The following WWOX variants were observed in gnomAD, a reference collection of about 807,000 sequenced individuals.
The protein encoded by WWOX is WW domain containing oxidoreductase, also known as WW domain-containing oxidoreductase.
Under a neutral mutation model 46.2 loss-of-function variants are expected in WWOX, and 69 were observed. That is an observed-to-expected ratio of 1.49 (90% CI 1.23 to 1.82). WWOX has a LOEUF of 1.82. WWOX is among the 40% of genes most tolerant of loss of function. The probability of loss-of-function intolerance (pLI) is 0.00; values close to 1 mark genes in which losing one functional copy is unlikely to be tolerated. For missense variants in WWOX, 919 were observed against 542.6 expected, an observed-to-expected ratio of 1.69 and a Z score of -6.89; for synonymous variants, 359 against 202.6, an observed-to-expected ratio of 1.77 and a Z score of -6.56.
chr16:78,520,010 C>A (rs1287586715), intron 8 of WWOX, among the ~76,000 whole-genome samples: 1 of 152,232 alleles, frequency 6.6e-6, no homozygotes, highest in African/African-American at 2.4e-5. Context: ...GTTTTCCACA[C>A]TGAGAACATA....
At chr16:78,859,963 C>G (rs1282858744) in intron 8 of WWOX, among the ~76,000 whole-genome samples, 1 of 152,046 alleles carries the variant, frequency 6.6e-6, no homozygotes, top group Admixed American at 6.6e-5. Context: ...GATTTGGTGA[C>G]ATATCCAGAT....
chr16:78,103,277 C>A (rs959610512), intron 1 of WWOX, among the ~76,000 whole-genome samples: 26 of 143,636 alleles, frequency 1.8e-4, no homozygotes, highest in Non-Finnish European at 3.3e-4. Flanking sequence ...TTTAATTTAA[C>A]TTTAAATTCC....
intron 7 of WWOX, among the ~76,000 whole-genome samples, chr16:78,429,926 A>C (rs1482141259): frequency 6.6e-6 from 1 of 152,202 alleles, no homozygotes; most frequent in African/African-American, 2.4e-5. Context: ...TCTCATAAAA[A>C]AGCCCACCAT....
At chr16:78,991,902 T>A (rs113389561) in intron 8 of WWOX, among the ~76,000 whole-genome samples, 10 of 152,294 alleles carry the variant, frequency 6.6e-5, no homozygotes, top group African/African-American at 2.4e-4. Context: ...TAAATGTTCC[T>A]TTGTTCCCGC....
chr16:78,489,798 ACAGT>A (rs1158200902), intron 8 of WWOX, among the ~76,000 whole-genome samples: 1 of 152,166 alleles, frequency 6.6e-6, no homozygotes, highest in Admixed American at 6.5e-5. Flanking sequence ...ATCTGGGACC[ACAGT>A]TCCGGCTGGA....
intron 8 of WWOX, among the ~76,000 whole-genome samples, chr16:78,764,037 G>A (rs969438561): frequency 1.3e-5 from 2 of 152,140 alleles, no homozygotes; most frequent in East Asian, 1.9e-4. Context: ...CACCAGCTGC[G>A]TAGGATATGT....
intron 8 of WWOX, among the ~76,000 whole-genome samples, chr16:79,045,785 T>C (rs1365524552): frequency 2.9e-5 from 1 of 34,038 alleles, no homozygotes; most frequent in Non-Finnish European, 4.8e-5. Context: ...TTTTCCTTTT[T>C]TTTTTTTTTT....
intron 8 of WWOX, among the ~76,000 whole-genome samples, chr16:78,720,979 C>G (rs1416019906): frequency 3.3e-5 from 5 of 152,162 alleles, no homozygotes; most frequent in African/African-American, 4.8e-5. Context: ...TAATCACCAC[C>G]GTGCCTGGAG....
chr16:78,570,365 G>C (rs753264169), intron 8 of WWOX, among the ~76,000 whole-genome samples: 2 of 152,192 alleles, frequency 1.3e-5, no homozygotes, highest in African/African-American at 2.4e-5. Flanking sequence ...CTGGAGTGTG[G>C]TGGTGCAATC....
intron 8 of WWOX, among the ~76,000 whole-genome samples, chr16:78,858,152 G>GTGTC (rs1464407404): frequency 6.6e-6 from 1 of 151,458 alleles, no homozygotes; most frequent in Non-Finnish European, 1.5e-5. Flanking sequence ...GTTTGTGTGT[G>GTGTC]TGTGTGTGTG....
chr16:79,080,129 A>T (rs953421279), intron 8 of WWOX, among the ~76,000 whole-genome samples: 4 of 152,194 alleles, frequency 2.6e-5, no homozygotes, highest in African/African-American at 9.7e-5. Context: ...TTAGGAAAAA[A>T]GGTTAGGGAG....
rs560183577 is a variant in WWOX at position 78,796,161 on chromosome 16, C to G, written c.1056+363409C>G. 2.6e-5 allele frequency among the ~76,000 whole-genome samples: 4 copies of G among 152,306 alleles called. No individual in the cohort carries two copies. In the East Asian group the frequency reaches 7.7e-4, roughly 29 times the overall value. On this transcript the variant is annotated intron_variant, in intron 8 of 8. Transcript: ENST00000566780. ...TCCTTCCAGGACTTTCTTCCTTAAT[C>G]AGGATTGACTTAACTGTTAACTCCT...
intron 8 of WWOX, among the ~76,000 whole-genome samples, chr16:79,189,936 G>C (rs7186096): frequency 0.29 from 41,815 of 146,684 alleles, 6,149 homozygotes; most frequent in Middle Eastern, 0.49. Context: ...GGTGGGGAAG[G>C]GGGGGGGGAT....
chr16:79,060,590 G>A (rs901221934), intron 8 of WWOX, among the ~76,000 whole-genome samples: 8 of 152,224 alleles, frequency 5.3e-5, no homozygotes, highest in Non-Finnish European at 1.0e-4. Context: ...CAAGAAGAAT[G>A]CAGTGACATA....
intron 8 of WWOX, among the ~76,000 whole-genome samples, chr16:78,949,520 G>A (rs2151300346): frequency 6.6e-6 from 1 of 152,270 alleles, no homozygotes; most frequent in African/African-American, 2.4e-5. Flanking sequence ...AGTGTGTTCA[G>A]AGTCATACTC....
chr16:78,561,133 A>G (rs1434528473), intron 8 of WWOX, among the ~76,000 whole-genome samples: 1 of 152,028 alleles, frequency 6.6e-6, no homozygotes, highest in Non-Finnish European at 1.5e-5. Context: ...CCTGTTTCCT[A>G]CTGACTTCTG....
In WWOX at chr16:78,751,720, A is replaced by G. The variant is rs576584107; in HGVS notation, c.1056+318968A>G. Among the ~76,000 whole-genome samples the G allele has an allele frequency of 1.4e-3, 207 of 151,720 alleles. 1 individual carries two copies. Among genetic ancestry groups the G allele is most frequent in the African/African-American group, 4.6e-3 (189 of 41,344 alleles). On this transcript the variant is annotated intron_variant, in intron 8 of 8. Transcript: ENST00000566780. ...TAGGTTCAGTTCCTTACCAACACGT[A>G]GACATGTTGTGATGAAAGAAGGAAA...
At chr16:78,407,305 G>A (rs141183159) in intron 6 of WWOX, among the ~76,000 whole-genome samples, 12 of 152,126 alleles carry the variant, frequency 7.9e-5, no homozygotes, top group Admixed American at 6.5e-4. Flanking sequence ...CAGCTTAGTT[G>A]AGAAATGCCC....
intron 4 of WWOX, among the ~76,000 whole-genome samples, chr16:78,117,231 G>T (rs1035615191): frequency 3.3e-5 from 5 of 152,172 alleles, no homozygotes; most frequent in East Asian, 1.9e-4. Flanking sequence ...CTGCGGTCCA[G>T]TTGGAGGTTG....
Sources: allele counts gnomAD v4.1 joint callset (sites outside exome capture counted in the v4.1 genomes callset), GRCh38; gene constraint gnomAD v4.1.1; transcripts MANE v1.5; gene names NCBI Gene and HGNC (gene_info 2026-07-23, HGNC 2026-07-21).